Variants in DCAKD observed in about 807,000 individuals in gnomAD.
DCAKD encodes dephospho-CoA kinase domain containing.
A neutral mutation model predicts 18.7 loss-of-function variants in DCAKD; 15 were observed. That is an observed-to-expected ratio of 0.80 (90% CI 0.54 to 1.24). DCAKD has a LOEUF of 1.24. Ranked by LOEUF, DCAKD falls within the 50% of genes most tolerant of loss-of-function variation. The pLI, the probability that DCAKD is intolerant of heterozygous loss-of-function variation, is 0.00. For missense variants in DCAKD, 301 were observed against 322.0 expected, an observed-to-expected ratio of 0.93 and a Z score of 0.50; for synonymous variants, 130 against 133.0, an observed-to-expected ratio of 0.98 and a Z score of 0.16.
At chr17:45,055,170 T>C (rs1322836778), upstream of DCAKD, among the ~76,000 whole-genome samples, 1 of 152,146 alleles carries the variant, frequency 6.6e-6, no homozygotes, top group Non-Finnish European at 1.5e-5. Context: ...ATAAGAAACT[T>C]TGAGCTGGCT....
chr17:45,048,552 G>T (rs978880494), intron 1 of DCAKD, among the ~76,000 whole-genome samples: 1 of 152,004 alleles, frequency 6.6e-6, no homozygotes, highest in African/African-American at 2.4e-5. Context: ...CAGAAGAATC[G>T]CTTGAAACCG....
intron 3 of DCAKD, chr17:45,033,914 C>T: frequency 6.9e-7 from 1 of 1,456,024 alleles, no homozygotes; most frequent in Non-Finnish European, 9.1e-7. Flanking sequence ...ACTCCCATCC[C>T]TACTAGAAAA....
intron 4 of DCAKD, among the ~76,000 whole-genome samples, 163 bp downstream of exon 4, chr17:45,029,929 G>A (rs560589658): frequency 9.2e-5 from 14 of 152,070 alleles, no homozygotes; most frequent in African/African-American, 1.7e-4. Flanking sequence ...GACTATCCGC[G>A]TCAGGCACAA....
At chr17:45,046,879 G>C (rs577986190) in intron 1 of DCAKD, among the ~76,000 whole-genome samples, 2 of 151,980 alleles carry the variant, frequency 1.3e-5, no homozygotes, top group Non-Finnish European at 2.9e-5. Context: ...TGAGGTGCAC[G>C]GTCCCACAGG....
upstream of DCAKD, among the ~76,000 whole-genome samples, chr17:45,053,012 A>C (rs2053737728): frequency 7.3e-6 from 1 of 137,274 alleles, no homozygotes; most frequent in African/African-American, 2.9e-5. Flanking sequence ...AAAAATACAA[A>C]ATTAGCCGGG....
chr17:45,030,304 C>A, intron 3 of DCAKD, 125 bp from the exon 4 acceptor site: 2 of 783,934 alleles, frequency 2.6e-6, no homozygotes, highest in South Asian at 2.9e-5. Context: ...ACACACATAC[C>A]CTGCACACTG....
chr17:45,050,038 T>TTTTCTTTC (rs112386425), intron 1 of DCAKD, among the ~76,000 whole-genome samples: 35 of 147,680 alleles, frequency 2.4e-4, no homozygotes, highest in Admixed American at 2.7e-4. Flanking sequence ...GCAGGTAATT[T>TTTTCTTTC]TTTCTTTCTT....
In DCAKD at chr17:45,034,934, G is replaced by A. The variant is rs762952751; in HGVS notation, c.-49C>T. On this transcript the variant is annotated 5_prime_UTR_variant, in exon 2 of 5. Transcript: ENST00000651974. ...CGAGACTACGGAGCCAGGAGCTACA[G>A]AATCACTGGAGAGCAGGGCAAGTGT... 3.1e-6 allele frequency: 5 copies of A among 1,595,914 alleles called. No homozygotes were observed. In the African/African-American group the frequency reaches 5.4e-5, roughly 17 times the overall value.
intron 1 of DCAKD, among the ~76,000 whole-genome samples, chr17:45,043,665 A>G (rs1180790438): frequency 6.6e-6 from 1 of 152,216 alleles, no homozygotes; most frequent in Non-Finnish European, 1.5e-5. Context: ...AGTGCCCTCC[A>G]TTTAAGTCCT....
chr17:45,048,714 G>C (rs2053626329), intron 1 of DCAKD, among the ~76,000 whole-genome samples: 2 of 151,220 alleles, frequency 1.3e-5, no homozygotes, highest in South Asian at 4.2e-4. Flanking sequence ...GCTGAGGCTT[G>C]AGAAGCATTT....
chr17:45,034,087 G>A, intron 3 of DCAKD, 100 bp downstream of exon 3: 2 of 1,601,496 alleles, frequency 1.2e-6, no homozygotes, highest in Non-Finnish European at 1.7e-6. Context: ...TCATCAGCTG[G>A]GATAACCAGC....
chr17:45,032,377 TGTC>T (rs2053189574), intron 3 of DCAKD, among the ~76,000 whole-genome samples: 1 of 151,020 alleles, frequency 6.6e-6, no homozygotes, highest in East Asian at 2.0e-4. Flanking sequence ...CATGGATGTC[TGTC>T]GAGTCATCCC....
rs760851820 is a variant in DCAKD at position 45,034,806 on chromosome 17, G to A, written c.80C>T (p.Ala27Val). ...GGCCATCACGTCCACGTCAATCACC[G>A]CACAGCCCAGCTGCTGGAACACCTG... Reference protein sequence around the residue: ...VIQVFQQLGCAVIDVDVMARH... With the variant: ...VIQVFQQLGCVVIDVDVMARH... The change falls in exon 2 of 5, where the codon GCG becomes GTG. Residue 27 changes from alanine to valine, a missense_variant. Transcript: ENST00000651974. 10 of 1,614,032 alleles carry A rather than the reference G, an allele frequency of 6.2e-6. No individual in the cohort carries two copies. The East Asian group carries it at 6.7e-5, about 11-fold the overall frequency.
chr17:45,061,116 G>A, upstream of DCAKD: 1 of 1,347,574 alleles, frequency 7.4e-7, no homozygotes, highest in Non-Finnish European at 9.5e-7. Flanking sequence ...GAATGCCTAG[G>A]CTTCCGGGTA....
At chr17:45,045,426 A>G (rs55838522) in intron 1 of DCAKD, among the ~76,000 whole-genome samples, 58,733 of 151,964 alleles carry the variant, frequency 0.39, 11,973 homozygotes, top group African/African-American at 0.45. Flanking sequence ...GGCCTGACAA[A>G]TAGGCCCTTA....
At chr17:45,039,552 C>T (rs1449606996) in intron 1 of DCAKD, among the ~76,000 whole-genome samples, 2 of 152,200 alleles carry the variant, frequency 1.3e-5, no homozygotes, top group African/African-American at 4.8e-5. Context: ...AGTCCTGGGT[C>T]CTGGTCTCTG....
upstream of DCAKD, among the ~76,000 whole-genome samples, chr17:45,054,489 C>T (rs558657132): frequency 6.6e-6 from 1 of 152,196 alleles, no homozygotes; most frequent in East Asian, 1.9e-4. Context: ...CTCAGGCGAT[C>T]TGCCTGCCTC....
chr17:45,050,063 A>G (rs760817594), intron 1 of DCAKD, among the ~76,000 whole-genome samples: 1 of 123,606 alleles, frequency 8.1e-6, no homozygotes, highest in Non-Finnish European at 1.7e-5. Flanking sequence ...TCTTTTGAGA[A>G]GGAGTCTCAC....
At chr17:45,059,202 T>C (rs565043985) in intron 1 of DCAKD, among the ~76,000 whole-genome samples, 4 of 151,926 alleles carry the variant, frequency 2.6e-5, no homozygotes, top group Middle Eastern at 3.2e-3. Context: ...ATCGCGCCAC[T>C]GCAATCCAGC....
Sources: gnomAD v4.1 joint callset for allele counts (sites outside exome capture counted in the v4.1 genomes callset) on GRCh38, gnomAD v4.1.1 for gene constraint, MANE v1.5 for transcripts, NCBI Gene and HGNC (gene_info 2026-07-23, HGNC 2026-07-21) for gene names.